The following TBC1D19 variants were observed in gnomAD, a reference collection of about 807,000 sequenced individuals.
The protein encoded by TBC1D19 is TBC1 domain family, member 19.
Under a neutral mutation model 89.0 loss-of-function variants are expected in TBC1D19, and 60 were observed. The ratio of observed to expected loss-of-function variants is 0.67; its 90% CI spans 0.55 to 0.84. TBC1D19 has a LOEUF of 0.84. TBC1D19 is among the 40% of genes least tolerant of loss of function. The pLI is 0.00. For missense variants in TBC1D19, 500 were observed against 610.8 expected, an observed-to-expected ratio of 0.82 and a Z score of 1.91; for synonymous variants, 189 against 199.7, an observed-to-expected ratio of 0.95 and a Z score of 0.45.
chr4:26,713,322 A>C (rs1422717673), intron 13 of TBC1D19, among the ~76,000 whole-genome samples: 1 of 152,048 alleles, frequency 6.6e-6, no homozygotes, highest in Non-Finnish European at 1.5e-5. Flanking sequence ...TTTGCAACTT[A>C]ATATTCATTT....
the TBC1D19 span, among the ~76,000 whole-genome samples, chr4:26,797,105 G>A: frequency 2.6e-5 from 4 of 152,120 alleles, no homozygotes; most frequent in East Asian, 1.9e-4. Flanking sequence ...TCTGTTCACC[G>A]ATGACATGAT....
chr4:26,763,675 G>A, the TBC1D19 span, among the ~76,000 whole-genome samples: 10 of 152,200 alleles, frequency 6.6e-5, no homozygotes, highest in Admixed American at 2.0e-4. Context: ...ACGGGCACAC[G>A]TCCTCAACCT....
At chr4:26,669,862 G>A (rs1712137279) in intron 9 of TBC1D19, among the ~76,000 whole-genome samples, 1 of 151,612 alleles carries the variant, frequency 6.6e-6, no homozygotes, top group Admixed American at 6.6e-5. Flanking sequence ...GAACATAAAG[G>A]ATTATAATTT....
At chr4:26,821,228 A>G in the TBC1D19 span, among the ~76,000 whole-genome samples, 2 of 152,228 alleles carry the variant, frequency 1.3e-5, no homozygotes, top group Non-Finnish European at 2.9e-5. Context: ...TCCCTTCCCC[A>G]TGAAACAGAA....
the TBC1D19 span, among the ~76,000 whole-genome samples, chr4:26,857,206 A>G: frequency 2.0e-5 from 3 of 152,168 alleles, no homozygotes; most frequent in African/African-American, 7.2e-5. Flanking sequence ...GAGCCATCAC[A>G]TTGTCTATAT....
intron 1 of TBC1D19, among the ~76,000 whole-genome samples, chr4:26,605,396 T>C (rs1385609595): frequency 3.9e-5 from 6 of 151,900 alleles, no homozygotes; most frequent in Non-Finnish European, 7.4e-5. Context: ...TCATTTTTTA[T>C]GGCTGCATAG....
chr4:26,667,593 C>T (rs372262552), intron 9 of TBC1D19, among the ~76,000 whole-genome samples: 2 of 151,904 alleles, frequency 1.3e-5, no homozygotes, highest in South Asian at 2.1e-4. Flanking sequence ...ATCTATTCTA[C>T]GGTTGATAAA....
At chr4:26,732,535 A>G (rs1339007162) in intron 15 of TBC1D19, among the ~76,000 whole-genome samples, 2 of 152,194 alleles carry the variant, frequency 1.3e-5, no homozygotes, top group African/African-American at 4.8e-5. Context: ...GGAATGATGC[A>G]TGTGCAGCAA....
intron 8 of TBC1D19, among the ~76,000 whole-genome samples, chr4:26,662,682 G>A (rs1433162111): frequency 6.6e-6 from 1 of 152,144 alleles, no homozygotes; most frequent in Non-Finnish European, 1.5e-5. Flanking sequence ...ACAGTGTCAG[G>A]AATCAGTGTG....
chr4:26,846,545 T>A, the TBC1D19 span, among the ~76,000 whole-genome samples: 4 of 152,318 alleles, frequency 2.6e-5, no homozygotes, highest in East Asian at 7.7e-4. Context: ...ATTTTACCAT[T>A]TTCATTTTGA....
At chr4:26,842,605 TTTC>T in the TBC1D19 span, among the ~76,000 whole-genome samples, 6 of 139,302 alleles carry the variant, frequency 4.3e-5, no homozygotes, top group Non-Finnish European at 7.7e-5. Context: ...TCTTTCTTTC[TTTC>T]TTTCTTTCTT....
chr4:26,611,446 T>A (rs1199071310), intron 1 of TBC1D19, among the ~76,000 whole-genome samples: 1 of 152,152 alleles, frequency 6.6e-6, no homozygotes, highest in East Asian at 1.9e-4. Flanking sequence ...TAGCTCAACA[T>A]GTTCCTCTGC....
At chr4:26,808,143 TA>T in the TBC1D19 span, among the ~76,000 whole-genome samples, 1 of 152,258 alleles carries the variant, frequency 6.6e-6, no homozygotes, top group Non-Finnish European at 1.5e-5. Flanking sequence ...TGAGTGCATT[TA>T]TGCTTGTTGT....
chr4:26,658,417 G>A (rs972583756), intron 7 of TBC1D19, among the ~76,000 whole-genome samples: 1 of 152,102 alleles, frequency 6.6e-6, no homozygotes, highest in East Asian at 1.9e-4. Context: ...TGTTGTTTTG[G>A]TGGCCTCTGT....
At chr4:26,606,190 C>A (rs1740988019) in intron 1 of TBC1D19, among the ~76,000 whole-genome samples, 1 of 152,072 alleles carries the variant, frequency 6.6e-6, no homozygotes, top group Non-Finnish European at 1.5e-5. Context: ...GGTCCTGCGA[C>A]TGAAAAGTTT....
chr4:26,808,727 CAAAAAAAAAA>C, the TBC1D19 span, among the ~76,000 whole-genome samples: 2 of 95,112 alleles, frequency 2.1e-5, no homozygotes, highest in Admixed American at 1.2e-4. Flanking sequence ...GACTCTGTCT[CAAAAAAAAAA>C]AAAAAAAAAG....
At chr4:26,763,097 T>C in the TBC1D19 span, among the ~76,000 whole-genome samples, 3,686 of 152,320 alleles carry the variant, frequency 0.024, 115 homozygotes, top group African/African-American at 0.07. Flanking sequence ...CACATTGTTT[T>C]AATAACCCTT....
At chr4:26,751,896 T>A (rs1233178545) in intron 19 of TBC1D19, among the ~76,000 whole-genome samples, 1 of 152,222 alleles carries the variant, frequency 6.6e-6, no homozygotes, top group Non-Finnish European at 1.5e-5. Flanking sequence ...GCAGAGCCAA[T>A]GATTTTTAGG....
chr4:26,731,652 T>G (rs977202454), intron 15 of TBC1D19, among the ~76,000 whole-genome samples: 3 of 151,992 alleles, frequency 2.0e-5, no homozygotes, highest in African/African-American at 7.3e-5. Context: ...CAGAGCTATA[T>G]TGAAGGAGTG....
Sources: gnomAD v4.1 joint callset for allele counts (sites outside exome capture counted in the v4.1 genomes callset) on GRCh38, gnomAD v4.1.1 for gene constraint, MANE v1.5 for transcripts, NCBI Gene and HGNC (gene_info 2026-07-23, HGNC 2026-07-21) for gene names.